Variants in MTA3 observed in about 807,000 individuals in gnomAD.
The protein encoded by MTA3 is metastasis associated 1 family member 3, also known as metastasis-associated protein MTA3.
Under a neutral mutation model 83.5 loss-of-function variants are expected in MTA3, and 34 were observed. The ratio of observed to expected loss-of-function variants is 0.41; its 90% CI spans 0.31 to 0.54. The LOEUF (loss-of-function observed/expected upper bound fraction) is 0.54, where lower values mean the gene tolerates loss of function less well. Ranked by LOEUF, MTA3 falls within the 20% of genes least tolerant of loss-of-function variation. The pLI is 0.33. For synonymous variants in MTA3, 303 were observed against 252.7 expected (o/e 1.20, Z -1.89); for missense variants, 761 against 726.4 (o/e 1.05, Z -0.55).
In MTA3 at chr2:42,571,723, G is replaced by A. The variant is rs182136419; in HGVS notation, c.96+1219G>A. 2.1e-3 allele frequency among the ~76,000 whole-genome samples: 326 copies of A among 152,104 alleles called. 2 individuals are homozygous for A. Among genetic ancestry groups the A allele is most frequent in the Non-Finnish European group, 3.1e-3 (210 of 68,000 alleles). Reference sequence around the variant, plus strand: ...AGCACTTTGGGAGGTCGAGGCGGGCGGATCACCTGAGGTTGGGAGTTTGAG... The same window carrying A: ...AGCACTTTGGGAGGTCGAGGCGGGCAGATCACCTGAGGTTGGGAGTTTGAG... On this transcript the variant is annotated intron_variant, in intron 2 of 16. Transcript: ENST00000405094.
intron 14 of MTA3, among the ~76,000 whole-genome samples, chr2:42,717,485 A>G (rs543641099): frequency 3.9e-5 from 6 of 152,020 alleles, no homozygotes; most frequent in African/African-American, 9.7e-5. Flanking sequence ...TTGCACATCT[A>G]CTCTTCCAAA....
intron 2 of MTA3, among the ~76,000 whole-genome samples, chr2:42,551,521 G>A (rs1295553978): frequency 1.3e-5 from 2 of 151,840 alleles, no homozygotes; most frequent in Non-Finnish European, 2.9e-5. Context: ...TCTGCCAGGT[G>A]TGCCCTTGAG....
At chr2:42,531,263 G>T (rs1016638263) in intron 2 of MTA3, among the ~76,000 whole-genome samples, 2 of 152,024 alleles carry the variant, frequency 1.3e-5, no homozygotes, top group South Asian at 4.1e-4. Context: ...CTGTTTACCC[G>T]GGTCTGTGGT....
chr2:42,548,727 G>A (rs564980900), intron 2 of MTA3, among the ~76,000 whole-genome samples: 8 of 140,332 alleles, frequency 5.7e-5, no homozygotes, highest in African/African-American at 2.2e-4. Context: ...CACCTGAGCT[G>A]GGGAGGTTGA....
At position 42,568,730 on chromosome 2, in the gene MTA3, G is replaced by A. The variant is rs1354966364; in HGVS notation, c.-16G>A. 4 of 1,208,132 alleles carry A rather than the reference G, an allele frequency of 3.3e-6. No homozygotes were observed. The highest frequency in any genetic ancestry group is 8.3e-5 in the South Asian group (2 of 24,178). 74.8% of individuals were successfully genotyped at this position (1,208,132 alleles called of 1,614,324 possible). The stretch of plus-strand genomic sequence containing the variant: ...GGGCGGGGCTCGGCTCGGGCTCCGC[G>A]GGCGGGCGGGCGGACATGGCGGCCA... On this transcript the variant is annotated 5_prime_UTR_variant, in exon 1 of 17. Coordinates refer to ENST00000405094, the MANE Select transcript of MTA3 (RefSeq NM_001330442.2).
At chr2:42,714,352 A>G (rs1666870919) in intron 14 of MTA3, among the ~76,000 whole-genome samples, 1 of 151,506 alleles carries the variant, frequency 6.6e-6, no homozygotes, top group African/African-American at 2.4e-5. Flanking sequence ...TGCCAAGCAG[A>G]TTTTTTTTTA....
intron 9 of MTA3, among the ~76,000 whole-genome samples, chr2:42,692,494 G>A (rs989220925): frequency 6.0e-5 from 9 of 149,750 alleles, no homozygotes; most frequent in South Asian, 2.1e-4. Context: ...GCGTGATCTC[G>A]GCTCACTGTA....
intron 3 of MTA3, among the ~76,000 whole-genome samples, chr2:42,601,060 C>T (rs1682508715): frequency 6.6e-6 from 1 of 152,140 alleles, no homozygotes; most frequent in South Asian, 2.1e-4. Context: ...GCATGCGCCT[C>T]CACGTCCGGC....
At chr2:42,509,523 A>T (rs1031850296) in intron 2 of MTA3, among the ~76,000 whole-genome samples, 4 of 152,146 alleles carry the variant, frequency 2.6e-5, no homozygotes, top group Non-Finnish European at 5.9e-5. Context: ...TAATCTCAGC[A>T]CTTTGGGAGA....
chr2:42,647,558 C>T (rs1166940030), intron 6 of MTA3, among the ~76,000 whole-genome samples: 2 of 149,978 alleles, frequency 1.3e-5, no homozygotes, highest in Non-Finnish European at 3.0e-5. Flanking sequence ...CCACTGCCAG[C>T]AGTCTTGGAA....
intron 6 of MTA3, among the ~76,000 whole-genome samples, chr2:42,651,206 G>C (rs992927055): frequency 6.6e-6 from 1 of 152,222 alleles, no homozygotes; most frequent in Non-Finnish European, 1.5e-5. Context: ...GGCACTTACT[G>C]TGAATGGAGC....
At chr2:42,508,290 A>T (rs1247667813) in intron 2 of MTA3, among the ~76,000 whole-genome samples, 1 of 152,056 alleles carries the variant, frequency 6.6e-6, no homozygotes, top group Non-Finnish European at 1.5e-5. Flanking sequence ...AACCCATAGA[A>T]TCTCCAGCAC....
chr2:42,653,910 A>G (rs1186214893), intron 6 of MTA3, among the ~76,000 whole-genome samples: 5 of 152,146 alleles, frequency 3.3e-5, no homozygotes, highest in Non-Finnish European at 5.9e-5. Flanking sequence ...ACTACTATCT[A>G]TCCTTATTTA....
intron 2 of MTA3, among the ~76,000 whole-genome samples, chr2:42,538,566 G>C (rs184452247): frequency 6.6e-6 from 1 of 151,762 alleles, no homozygotes; most frequent in Admixed American, 6.6e-5. Flanking sequence ...AAATTAGCTG[G>C]GCGTGGTAGT....
At chr2:42,680,602 G>A (rs555163686) in intron 8 of MTA3, among the ~76,000 whole-genome samples, 13 of 152,184 alleles carry the variant, frequency 8.5e-5, no homozygotes, top group Admixed American at 1.3e-4. Flanking sequence ...GTGCTAATCC[G>A]CGACATAGGC....
chr2:42,707,489 C>G (rs147201116), intron 12 of MTA3, among the ~76,000 whole-genome samples: 1 of 152,114 alleles, frequency 6.6e-6, no homozygotes, highest in Non-Finnish European at 1.5e-5. Flanking sequence ...CCTCATGGTC[C>G]GCCTGCCTCA....
rs886962799 is a variant in MTA3, at chr2:42,691,126, C to G, written c.892-4639C>G. ...TCCTGGCCTCAAGCAATCCGCCCGC[C>G]TCGGCCTCCCAAAGTGTTGAGATTA... On this transcript the variant is annotated intron_variant, in intron 9 of 16. Coordinates refer to ENST00000405094, the MANE Select transcript of MTA3 (RefSeq NM_001330442.2). 3.3e-5 allele frequency among the ~76,000 whole-genome samples: 5 copies of G among 152,182 alleles called. No individual in the cohort carries two copies. The South Asian group carries it at 1.0e-3, about 32-fold the overall frequency.
chr2:42,644,737 AGTGATCT>A (rs1405229224), intron 6 of MTA3, among the ~76,000 whole-genome samples: 1 of 152,182 alleles, frequency 6.6e-6, no homozygotes, highest in Non-Finnish European at 1.5e-5. Flanking sequence ...TATCTGTTAT[AGTGATCT>A]GTGATCAGTG....
intron 16 of MTA3, among the ~76,000 whole-genome samples, chr2:42,753,071 A>G (rs1293842759): frequency 1.3e-5 from 2 of 152,136 alleles, no homozygotes; most frequent in African/African-American, 4.8e-5. Context: ...GACTACAGGC[A>G]TGCACCACCA....
Sources: gnomAD v4.1 joint callset for allele counts (sites outside exome capture counted in the v4.1 genomes callset) on GRCh38, gnomAD v4.1.1 for gene constraint, MANE v1.5 for transcripts, NCBI Gene and HGNC (gene_info 2026-07-23, HGNC 2026-07-21) for gene names.